GRM5: variants seen among roughly 807,000 people sequenced by gnomAD.
The protein encoded by GRM5 is glutamate metabotropic receptor 5, also known as metabotropic glutamate receptor 5.
Under a neutral mutation model 83.1 loss-of-function variants are expected in GRM5, and 19 were observed. The observed-to-expected ratio is 0.23, with a 90% CI of 0.16 to 0.34. The LOEUF is 0.34. GRM5 is among the 10% of genes least tolerant of loss of function. GRM5 has a pLI of 1.00. For synonymous variants in GRM5, 675 were observed against 633.6 expected (o/e 1.07, Z -0.98); for missense variants, 1,160 against 1,588.3 (o/e 0.73, Z 4.58).
At chr11:88,765,395 GA>G (rs58232495) in intron 3 of GRM5, among the ~76,000 whole-genome samples, 22,270 of 120,478 alleles carry the variant, frequency 0.18, 1,178 homozygotes, top group South Asian at 0.39. Flanking sequence ...AAGACAATTT[GA>G]AAAAAAAAAA....
chr11:88,617,833 C>T (rs1050177235), intron 4 of GRM5, among the ~76,000 whole-genome samples: 1 of 152,144 alleles, frequency 6.6e-6, no homozygotes, highest in African/African-American at 2.4e-5. Context: ...GAGGTGAAAA[C>T]TAAAGTCTCA....
intron 3 of GRM5, among the ~76,000 whole-genome samples, chr11:88,727,999 T>C (rs7948250): frequency 0.17 from 26,388 of 151,898 alleles, 4,495 homozygotes; most frequent in African/African-American, 0.43. Context: ...ATTCAACAGC[T>C]AGCAGAAGAC....
At chr11:88,546,096 C>T (rs539284889) in intron 8 of GRM5, among the ~76,000 whole-genome samples, 2 of 152,096 alleles carry the variant, frequency 1.3e-5, no homozygotes, top group African/African-American at 4.8e-5. Flanking sequence ...CATACCTCCA[C>T]CTCCCAGAAC....
intron 2 of GRM5, among the ~76,000 whole-genome samples, chr11:88,907,702 G>T (rs1272297142): frequency 2.0e-5 from 3 of 152,148 alleles, no homozygotes; most frequent in Non-Finnish European, 2.9e-5. Context: ...AGCAGGATTA[G>T]ATCCCAGGTT....
intron 2 of GRM5, among the ~76,000 whole-genome samples, chr11:88,887,360 T>C: frequency 6.6e-6 from 1 of 152,166 alleles, no homozygotes; most frequent in Non-Finnish European, 1.5e-5. Context: ...AGGTATAGAT[T>C]TCAGTCTAGC....
At chr11:88,713,249 T>C (rs1941321481) in intron 3 of GRM5, among the ~76,000 whole-genome samples, 1 of 152,050 alleles carries the variant, frequency 6.6e-6, no homozygotes, top group Admixed American at 6.6e-5. Flanking sequence ...TAATAAAATT[T>C]GCTGTTTCCT....
intron 2 of GRM5, among the ~76,000 whole-genome samples, chr11:88,893,250 G>T (rs919450108): frequency 6.6e-6 from 1 of 151,776 alleles, no homozygotes; most frequent in African/African-American, 2.4e-5. Context: ...TATATACAAA[G>T]GATATAAAGG....
At chr11:88,701,087 T>A (rs1941022531) in intron 3 of GRM5, among the ~76,000 whole-genome samples, 1 of 152,222 alleles carries the variant, frequency 6.6e-6, no homozygotes, top group East Asian at 1.9e-4. Context: ...AAGGAGGGAA[T>A]GCTTCCAGCA....
At chr11:88,918,400 G>A (rs540410221) in intron 2 of GRM5, among the ~76,000 whole-genome samples, 5 of 151,886 alleles carry the variant, frequency 3.3e-5, no homozygotes, top group Non-Finnish European at 7.4e-5. Flanking sequence ...CCTGCACATT[G>A]TGCACATGTA....
At chr11:88,825,556 T>C (rs1943882047) in intron 3 of GRM5, among the ~76,000 whole-genome samples, 3 of 152,200 alleles carry the variant, frequency 2.0e-5, no homozygotes, top group Non-Finnish European at 1.5e-5. Context: ...ATATTTGACA[T>C]ACAGTGTGGG....
chr11:88,936,452 T>C (rs1937897519), intron 2 of GRM5, among the ~76,000 whole-genome samples: 1 of 151,900 alleles, frequency 6.6e-6, no homozygotes, highest in South Asian at 2.1e-4. Flanking sequence ...TCAAGCTTTT[T>C]CTCATTATAA....
At chr11:88,754,744 C>T (rs1329908653) in intron 3 of GRM5, among the ~76,000 whole-genome samples, 1 of 152,110 alleles carries the variant, frequency 6.6e-6, no homozygotes, top group Non-Finnish European at 1.5e-5. Context: ...TCATCATCAT[C>T]ATATTTTTCC....
At chr11:88,711,591 G>A (rs1230886139) in intron 3 of GRM5, among the ~76,000 whole-genome samples, 1 of 152,040 alleles carries the variant, frequency 6.6e-6, no homozygotes, top group African/African-American at 2.4e-5. Flanking sequence ...TGTTGGCTAA[G>A]TAACCATAAA....
At chr11:88,642,331 C>T (rs1456312309) in intron 4 of GRM5, among the ~76,000 whole-genome samples, 1 of 152,260 alleles carries the variant, frequency 6.6e-6, no homozygotes, top group South Asian at 2.1e-4. Flanking sequence ...GCATTCTTCC[C>T]TCCTAGACCT....
At chr11:88,628,820 T>C (rs1375834681) in intron 4 of GRM5, among the ~76,000 whole-genome samples, 3 of 152,176 alleles carry the variant, frequency 2.0e-5, no homozygotes, top group Admixed American at 1.3e-4. Context: ...TGTGAAGTGC[T>C]CCTGAGTCTT....
intron 3 of GRM5, among the ~76,000 whole-genome samples, chr11:88,664,181 A>G (rs919940463): frequency 6.6e-6 from 1 of 152,132 alleles, no homozygotes; most frequent in Non-Finnish European, 1.5e-5. Flanking sequence ...GATAACTATG[A>G]TAATGTATGT....
chr11:88,653,847 C>T (rs1343163414), intron 3 of GRM5, among the ~76,000 whole-genome samples: 3 of 151,882 alleles, frequency 2.0e-5, no homozygotes, highest in Non-Finnish European at 4.4e-5. Context: ...CTCCAACATA[C>T]CTAATATTAA....
intron 2 of GRM5, among the ~76,000 whole-genome samples, chr11:88,870,449 A>G (rs1296969170): frequency 5.0e-4 from 2 of 4,016 alleles, no homozygotes; most frequent in African/African-American, 5.3e-4. Context: ...GTGACATGAC[A>G]AGAACTTTAA....
At chr11:88,821,412 G>C (rs1943792722) in intron 3 of GRM5, among the ~76,000 whole-genome samples, 1 of 151,098 alleles carries the variant, frequency 6.6e-6, no homozygotes, top group African/African-American at 2.4e-5. Flanking sequence ...AGGAGGAAGG[G>C]TCATAGTTCC....
Sources: gnomAD v4.1 joint callset for allele counts (sites outside exome capture counted in the v4.1 genomes callset) on GRCh38, gnomAD v4.1.1 for gene constraint, MANE v1.5 for transcripts, NCBI Gene and HGNC (gene_info 2026-07-23, HGNC 2026-07-21) for gene names.